DOCK3: variants seen among roughly 807,000 people sequenced by gnomAD.
DOCK3 encodes dedicator of cytokinesis protein 3.
In DOCK3, 60 loss-of-function variants were observed where a neutral mutation model predicts 265.6. The observed-to-expected ratio is 0.23, with a 90% CI of 0.18 to 0.28. The LOEUF is 0.28. Ranked by LOEUF, DOCK3 falls within the 10% of genes least tolerant of loss-of-function variation. DOCK3 has a pLI of 1.00. For synonymous variants in DOCK3, 881 were observed against 938.0 expected, an observed-to-expected ratio of 0.94 and a Z score of 1.11; for missense variants, 1,981 against 2,594.3, an observed-to-expected ratio of 0.76 and a Z score of 5.14.
chr3:50,830,478 C>G (rs926447163), intron 2 of DOCK3, among the ~76,000 whole-genome samples: 1 of 152,094 alleles, frequency 6.6e-6, no homozygotes, highest in Admixed American at 6.5e-5. Context: ...ATATGTTACA[C>G]CTTTGGAATA....
intron 35 of DOCK3, chr3:51,336,903 C>T: frequency 2.2e-6 from 1 of 456,128 alleles, no homozygotes; most frequent in Non-Finnish European, 4.4e-6. Context: ...TAAAATCTCA[C>T]TGCCCTTCAT....
chr3:51,349,589 G>T (rs1030726473), intron 39 of DOCK3, among the ~76,000 whole-genome samples: 2 of 152,186 alleles, frequency 1.3e-5, no homozygotes, highest in African/African-American at 4.8e-5. Flanking sequence ...AGTTCTGGCA[G>T]GCTGGCTTGA....
At chr3:50,693,156 G>T (rs2107752906) in intron 1 of DOCK3, among the ~76,000 whole-genome samples, 1 of 152,286 alleles carries the variant, frequency 6.6e-6, no homozygotes, top group South Asian at 2.1e-4. Flanking sequence ...AAAGTCAGAA[G>T]TGTGAGTCCT....
At chr3:50,758,042 G>T (rs1346547646) in intron 1 of DOCK3, among the ~76,000 whole-genome samples, 2 of 151,648 alleles carry the variant, frequency 1.3e-5, no homozygotes, top group Admixed American at 1.3e-4. Flanking sequence ...GCCGGGAGTG[G>T]CAGTGTGTGT....
At chr3:51,145,745 A>G (rs907164907) in intron 9 of DOCK3, among the ~76,000 whole-genome samples, 23 of 152,178 alleles carry the variant, frequency 1.5e-4, no homozygotes, top group Middle Eastern at 3.2e-3. Flanking sequence ...CAAGAGTTAT[A>G]TAAAACAGCA....
chr3:50,900,785 C>G (rs2049150690), intron 4 of DOCK3: 1 of 429,748 alleles, frequency 2.3e-6, no homozygotes, highest in East Asian at 7.6e-5. Context: ...AGACCCTGCC[C>G]CTGTTTGCCT....
At chr3:51,144,786 C>A (rs1207745576) in intron 9 of DOCK3, among the ~76,000 whole-genome samples, 1 of 151,614 alleles carries the variant, frequency 6.6e-6, no homozygotes, top group Non-Finnish European at 1.5e-5. Context: ...AACTTAATAA[C>A]AATTTGTAGA....
chr3:50,691,191 G>A (rs2035215233), intron 1 of DOCK3, among the ~76,000 whole-genome samples: 1 of 151,526 alleles, frequency 6.6e-6, no homozygotes, highest in African/African-American at 2.4e-5. Flanking sequence ...GGCTGAGGCA[G>A]GAGAATGGAA....
At position 51,217,632 on chromosome 3, in the gene DOCK3, A is replaced by G. The variant is rs142956267; in HGVS notation, c.1252+3385A>G. ...AAGTACAAAAGCTAATAATAACTCTATGGCACACTTTTAGTCCTTTTCTTG... is the reference window on the plus strand; with the variant it reads ...AAGTACAAAAGCTAATAATAACTCTGTGGCACACTTTTAGTCCTTTTCTTG... On this transcript the variant is annotated intron_variant, in intron 14 of 52. Coordinates refer to ENST00000266037, the MANE Select transcript of DOCK3 (RefSeq NM_004947.5). 1.4e-4 allele frequency among the ~76,000 whole-genome samples: 21 copies of G among 152,322 alleles called. No homozygotes were observed. In the East Asian group the frequency reaches 3.9e-3, roughly 28 times the overall value.
At chr3:51,311,827 T>C (rs1381272118) in intron 28 of DOCK3, among the ~76,000 whole-genome samples, 177 bp from the exon 29 acceptor site, 1 of 152,248 alleles carries the variant, frequency 6.6e-6, no homozygotes, top group Admixed American at 6.5e-5. Flanking sequence ...ACTGGTTTTC[T>C]GTAGAGATTT....
intron 7 of DOCK3, among the ~76,000 whole-genome samples, chr3:51,081,629 C>G (rs2082241708): frequency 6.6e-6 from 1 of 152,094 alleles, no homozygotes; most frequent in South Asian, 2.1e-4. Context: ...GTCATGGTGG[C>G]TCACGCCTGT....
chr3:50,868,901 GTTTTT>G (rs147898866), intron 3 of DOCK3, among the ~76,000 whole-genome samples: 656 of 14,308 alleles, frequency 0.046, 16 homozygotes, highest in African/African-American at 0.15. Context: ...TGGATAATCT[GTTTTT>G]TTTTTTTTTT....
intron 6 of DOCK3, among the ~76,000 whole-genome samples, chr3:51,070,348 A>T (rs908616065): frequency 1.3e-5 from 2 of 152,184 alleles, no homozygotes; most frequent in East Asian, 1.9e-4. Flanking sequence ...AGTTATTTTT[A>T]AAAAGACAGG....
At chr3:51,329,720 T>C (rs1461751366) in intron 32 of DOCK3, among the ~76,000 whole-genome samples, 2 of 152,208 alleles carry the variant, frequency 1.3e-5, no homozygotes, top group Non-Finnish European at 2.9e-5. Flanking sequence ...CCAGAAAGCA[T>C]CCTTTTTGAC....
chr3:51,340,170 C>G (rs778629599), intron 37 of DOCK3, among the ~76,000 whole-genome samples: 1 of 152,126 alleles, frequency 6.6e-6, no homozygotes, highest in Non-Finnish European at 1.5e-5. Context: ...TCCTAGGAAA[C>G]GGGGCCATGA....
At chr3:51,016,594 T>C (rs1462026357) in intron 5 of DOCK3, among the ~76,000 whole-genome samples, 1 of 84,788 alleles carries the variant, frequency 1.2e-5, no homozygotes, top group Admixed American at 1.9e-4. Flanking sequence ...TCATATATTA[T>C]ATATGATATA....
chr3:51,071,771 C>T (rs115430253), intron 6 of DOCK3, among the ~76,000 whole-genome samples: 1 of 152,182 alleles, frequency 6.6e-6, no homozygotes, highest in African/African-American at 2.4e-5. Flanking sequence ...TTGACCATTC[C>T]CTGCATTCGA....
At chr3:50,948,157 C>T (rs1307516286) in intron 5 of DOCK3, among the ~76,000 whole-genome samples, 3 of 149,790 alleles carry the variant, frequency 2.0e-5, no homozygotes, top group Non-Finnish European at 3.0e-5. Flanking sequence ...CCTGGGTTCA[C>T]GCTGTTCTCC....
chr3:50,689,885 AG>A (rs1464619423), intron 1 of DOCK3, among the ~76,000 whole-genome samples: 4 of 152,170 alleles, frequency 2.6e-5, no homozygotes, highest in African/African-American at 9.7e-5. Context: ...TTTATCAGAT[AG>A]GTGACTTGGA....
Sources: gnomAD v4.1 joint callset for allele counts (sites outside exome capture counted in the v4.1 genomes callset) on GRCh38, gnomAD v4.1.1 for gene constraint, MANE v1.5 for transcripts, NCBI Gene and HGNC (gene_info 2026-07-23, HGNC 2026-07-21) for gene names.